Variants in ENOX1 observed in about 807,000 individuals in gnomAD.
ENOX1 encodes candidate growth-related and time keeping constitutive hydroquinone (NADH) oxidase.
A neutral mutation model predicts 82.5 loss-of-function variants in ENOX1; 42 were observed. That is an observed-to-expected ratio of 0.51 (90% CI 0.40 to 0.66). The LOEUF (loss-of-function observed/expected upper bound fraction) is 0.66, where lower values mean the gene tolerates loss of function less well. Ranked by LOEUF, ENOX1 falls within the 30% of genes least tolerant of loss-of-function variation. The pLI is 0.00. For synonymous variants in ENOX1, 271 were observed against 282.2 expected, an observed-to-expected ratio of 0.96 and a Z score of 0.40; for missense variants, 608 against 811.6, an observed-to-expected ratio of 0.75 and a Z score of 3.05.
intron 2 of ENOX1, among the ~76,000 whole-genome samples, chr13:43,551,798 A>G (rs189374817): frequency 1.2e-4 from 19 of 152,322 alleles, no homozygotes; most frequent in Admixed American, 5.2e-4. Flanking sequence ...GCCCAGCACA[A>G]TTGTGTCCAC....
At chr13:43,381,260 G>C (rs1286306136) in intron 5 of ENOX1, among the ~76,000 whole-genome samples, 1 of 151,574 alleles carries the variant, frequency 6.6e-6, no homozygotes, top group Non-Finnish European at 1.5e-5. Context: ...AATATCTAGA[G>C]AGTCACCAAA....
intron 2 of ENOX1, among the ~76,000 whole-genome samples, chr13:43,495,394 C>T (rs1426590806): frequency 6.6e-6 from 1 of 152,036 alleles, no homozygotes; most frequent in East Asian, 1.9e-4. Flanking sequence ...TATACTTGAA[C>T]TCTGTATATA....
chr13:43,616,189 T>TCTAG (rs1490011009), intron 2 of ENOX1, among the ~76,000 whole-genome samples: 1,280 of 12,178 alleles, frequency 0.11, 392 homozygotes, highest in Non-Finnish European at 0.36. Flanking sequence ...TATCTATCTA[T>TCTAG]ATATATATAT....
chr13:43,359,433 T>C (rs984555859), intron 7 of ENOX1, among the ~76,000 whole-genome samples: 8 of 152,218 alleles, frequency 5.3e-5, no homozygotes, highest in Non-Finnish European at 7.3e-5. Flanking sequence ...CTAAGCTACT[T>C]TCCTGCAAGG....
intron 1 of ENOX1, among the ~76,000 whole-genome samples, chr13:43,669,962 C>T (rs188495092): frequency 1.3e-5 from 2 of 152,250 alleles, no homozygotes; most frequent in Admixed American, 1.3e-4. Context: ...CCTGGTTCTC[C>T]CTAAGTGTAT....
At chr13:43,340,499 A>G (rs1207227992) in intron 9 of ENOX1, among the ~76,000 whole-genome samples, 1 of 152,224 alleles carries the variant, frequency 6.6e-6, no homozygotes, top group Non-Finnish European at 1.5e-5. Context: ...GGACTCCCAA[A>G]TAGTAACAGG....
chr13:43,526,170 T>C (rs949444029), intron 2 of ENOX1, among the ~76,000 whole-genome samples: 2 of 152,156 alleles, frequency 1.3e-5, no homozygotes, highest in African/African-American at 4.8e-5. Flanking sequence ...GGCAGACAAA[T>C]GGAAGTACAA....
chr13:43,573,273 T>C lies in ENOX1; in HGVS notation c.-218-89121A>G, dbSNP rs572877715. On this transcript the variant is annotated intron_variant, in intron 2 of 16. Transcript: ENST00000690772. The stretch of plus-strand genomic sequence containing the variant: ...TGACTTCTCCCTTCACAGGACTGAT[T>C]TACTTCTTTAAATTGGCACCATTCT... Among the ~76,000 whole-genome samples the C allele has an allele frequency of 2.0e-5, 3 of 152,286 alleles. No individual in the cohort carries two copies. In the East Asian group the frequency reaches 5.8e-4, roughly 29 times the overall value.
At chr13:43,553,480 C>T (rs1368854588) in intron 2 of ENOX1, among the ~76,000 whole-genome samples, 1 of 152,204 alleles carries the variant, frequency 6.6e-6, no homozygotes, top group African/African-American at 2.4e-5. Context: ...TTCTTTAAAA[C>T]TGGCTCACTT....
chr13:43,600,456 A>G (rs1462096425), intron 2 of ENOX1, among the ~76,000 whole-genome samples: 1 of 152,188 alleles, frequency 6.6e-6, no homozygotes, highest in Non-Finnish European at 1.5e-5. Context: ...GCTGGTGGAA[A>G]GGAGAGGGAA....
chr13:43,742,688 A>G (rs1255100241), intron 1 of ENOX1, among the ~76,000 whole-genome samples: 1 of 152,196 alleles, frequency 6.6e-6, no homozygotes, highest in East Asian at 1.9e-4. Context: ...CACACACCAA[A>G]TAAGAGATAA....
chr13:43,745,785 C>G (rs1483420993), intron 1 of ENOX1, among the ~76,000 whole-genome samples: 1 of 152,126 alleles, frequency 6.6e-6, no homozygotes, highest in Non-Finnish European at 1.5e-5. Flanking sequence ...CACCCTCATG[C>G]CATTCTTGTG....
chr13:43,238,929 A>G (rs1022651181), intron 14 of ENOX1, among the ~76,000 whole-genome samples: 4 of 152,172 alleles, frequency 2.6e-5, no homozygotes, highest in African/African-American at 9.7e-5. Flanking sequence ...AGGAGCCAGC[A>G]GAGAAAGGCA....
At chr13:43,384,029 C>T (rs755283971) in intron 5 of ENOX1, among the ~76,000 whole-genome samples, 2 of 152,176 alleles carry the variant, frequency 1.3e-5, no homozygotes, top group African/African-American at 2.4e-5. Context: ...GTTCACATCC[C>T]GGCTGCACCA....
chr13:43,345,014 G>A (rs1258813932), intron 8 of ENOX1, among the ~76,000 whole-genome samples: 2 of 152,154 alleles, frequency 1.3e-5, no homozygotes, highest in African/African-American at 2.4e-5. Flanking sequence ...TTTGTTCTGG[G>A]CATTCTTAGG....
At chr13:43,668,527 T>C (rs1187449720) in intron 1 of ENOX1, among the ~76,000 whole-genome samples, 2 of 152,166 alleles carry the variant, frequency 1.3e-5, no homozygotes, top group East Asian at 3.8e-4. Context: ...TGTAAACAGA[T>C]AACTAAAAGC....
At chr13:43,624,148 A>AT (rs968917956) in intron 2 of ENOX1, among the ~76,000 whole-genome samples, 3 of 152,228 alleles carry the variant, frequency 2.0e-5, no homozygotes, top group African/African-American at 7.2e-5. Context: ...ACTCATTGTG[A>AT]TTTTAACTTG....
intron 10 of ENOX1, among the ~76,000 whole-genome samples, chr13:43,325,893 T>C (rs1176003876): frequency 6.6e-6 from 1 of 152,216 alleles, no homozygotes; most frequent in Non-Finnish European, 1.5e-5. Context: ...TGGTTGCTGA[T>C]GGGTGGACCC....
At chr13:43,622,998 G>T (rs369376843) in intron 2 of ENOX1, among the ~76,000 whole-genome samples, 85 of 152,152 alleles carry the variant, frequency 5.6e-4, no homozygotes, top group African/African-American at 2.0e-3. Flanking sequence ...GAAGGATTAT[G>T]GCTGCCTCTG....
Sources: allele counts gnomAD v4.1 joint callset (sites outside exome capture counted in the v4.1 genomes callset), GRCh38; gene constraint gnomAD v4.1.1; transcripts MANE v1.5; gene names NCBI Gene and HGNC (gene_info 2026-07-23, HGNC 2026-07-21).